Variants in EBF1 observed in about 807,000 individuals in gnomAD.
The protein encoded by EBF1 is transcription factor COE1.
In EBF1, 10 loss-of-function variants were observed where a neutral mutation model predicts 68.4. The ratio of observed to expected loss-of-function variants is 0.15; its 90% CI spans 0.09 to 0.25. EBF1 has a LOEUF of 0.25. Among genes scored for constraint, EBF1 ranks in the 10% least tolerant of loss-of-function variants. The pLI is 1.00. For missense variants in EBF1, 509 were observed against 794.4 expected (o/e 0.64, Z 4.32); for synonymous variants, 298 against 299.8 (o/e 0.99, Z 0.06).
At chr5:158,835,577 G>T (rs1788581033) in intron 7 of EBF1, among the ~76,000 whole-genome samples, 1 of 152,116 alleles carries the variant, frequency 6.6e-6, no homozygotes, top group African/African-American at 2.4e-5. Context: ...AGGCTTTCCT[G>T]GGATTCCAGC....
chr5:158,973,617 C>T (rs1016834554), intron 6 of EBF1, among the ~76,000 whole-genome samples: 11 of 152,238 alleles, frequency 7.2e-5, no homozygotes, highest in Middle Eastern at 3.4e-3. Flanking sequence ...GCTCCAGAAC[C>T]CCCAATCTCA....
chr5:158,999,629 G>A (rs1344177217), intron 6 of EBF1, among the ~76,000 whole-genome samples: 1 of 152,158 alleles, frequency 6.6e-6, no homozygotes, highest in Non-Finnish European at 1.5e-5. Context: ...TGTTGACATG[G>A]TAAAAATGAA....
intron 10 of EBF1, among the ~76,000 whole-genome samples, chr5:158,754,802 C>T (rs1470142341): frequency 6.6e-6 from 1 of 152,076 alleles, no homozygotes; most frequent in African/African-American, 2.4e-5. Flanking sequence ...TTATTTTGCT[C>T]TAAACAAAAG....
chr5:159,093,539 A>T (rs1353652986), intron 4 of EBF1, among the ~76,000 whole-genome samples: 1 of 151,854 alleles, frequency 6.6e-6, no homozygotes, highest in African/African-American at 2.4e-5. Flanking sequence ...CTCTTTCCTG[A>T]TAGAATTTAT....
intron 6 of EBF1, among the ~76,000 whole-genome samples, chr5:158,929,914 T>C (rs1810477324): frequency 6.6e-6 from 1 of 152,214 alleles, no homozygotes; most frequent in African/African-American, 2.4e-5. Context: ...ACACCTTTTT[T>C]GTTGTTTGTT....
At chr5:158,807,048 T>C (rs1051042114) in intron 8 of EBF1, among the ~76,000 whole-genome samples, 18 of 152,158 alleles carry the variant, frequency 1.2e-4, no homozygotes, top group African/African-American at 3.9e-4. Flanking sequence ...CTAGTAGCTA[T>C]CATATTGGAC....
intron 6 of EBF1, among the ~76,000 whole-genome samples, chr5:158,990,039 G>T (rs1288211532): frequency 1.3e-5 from 2 of 152,182 alleles, no homozygotes; most frequent in African/African-American, 4.8e-5. Context: ...CCATTGGAGG[G>T]GGTGATTAAG....
intron 6 of EBF1, among the ~76,000 whole-genome samples, chr5:158,856,093 C>A (rs1021501381): frequency 6.6e-6 from 1 of 152,204 alleles, no homozygotes; most frequent in African/African-American, 2.4e-5. Flanking sequence ...CAGGCTACAA[C>A]AGAGATCCTT....
intron 6 of EBF1, among the ~76,000 whole-genome samples, chr5:158,940,378 A>G (rs762099706): frequency 6.6e-6 from 1 of 152,186 alleles, no homozygotes; most frequent in Non-Finnish European, 1.5e-5. Flanking sequence ...AACCTCTACT[A>G]CTGTGTCCAG....
chr5:158,765,981 T>A (rs1772571481), intron 10 of EBF1, among the ~76,000 whole-genome samples: 1 of 152,314 alleles, frequency 6.6e-6, no homozygotes, highest in South Asian at 2.1e-4. Flanking sequence ...AAAAGTTATC[T>A]CATTAAATAT....
At chr5:158,711,602 C>A (rs1759323980) in intron 14 of EBF1, among the ~76,000 whole-genome samples, 1 of 152,028 alleles carries the variant, frequency 6.6e-6, no homozygotes, top group Non-Finnish European at 1.5e-5. Context: ...CAAGACGAAA[C>A]TAATAGATGT....
chr5:158,773,003 A>G (rs1279377977), intron 10 of EBF1, among the ~76,000 whole-genome samples: 2 of 152,148 alleles, frequency 1.3e-5, no homozygotes, highest in Admixed American at 6.6e-5. Flanking sequence ...TAAATGGTAG[A>G]TCTGAGAATT....
At chr5:158,937,143 G>C (rs1365004878) in intron 6 of EBF1, among the ~76,000 whole-genome samples, 2 of 151,888 alleles carry the variant, frequency 1.3e-5, no homozygotes, top group Non-Finnish European at 2.9e-5. Context: ...GACTGGGTGG[G>C]GGTACTTTTC....
intron 6 of EBF1, among the ~76,000 whole-genome samples, chr5:159,049,965 C>G (rs1185336591): frequency 1.3e-5 from 2 of 152,144 alleles, no homozygotes; most frequent in Non-Finnish European, 2.9e-5. Flanking sequence ...TTCTCTCCCT[C>G]TAGAGGCAGA....
intron 6 of EBF1, among the ~76,000 whole-genome samples, chr5:158,907,388 G>C (rs1804887771): frequency 6.6e-6 from 1 of 152,142 alleles, no homozygotes; most frequent in South Asian, 2.1e-4. Context: ...GTGGAAAAAA[G>C]ATAAGGCCAA....
In EBF1 at chr5:159,045,630, T is replaced by C. The variant is rs149060493; in HGVS notation, c.554+27766A>G. Among the ~76,000 whole-genome samples the C allele has an allele frequency of 3.9e-5, 6 of 152,318 alleles. No homozygotes were observed. In the East Asian group the frequency reaches 1.2e-3, roughly 29 times the overall value. On this transcript the variant is annotated intron_variant, in intron 6 of 15. Transcript: ENST00000313708. ...GCATAATTTTTAGGTACTTAATGAA[T>C]GATTCAAATAGAAACAGAATTAGAA...
chr5:158,709,208 A>G (rs185974659), intron 14 of EBF1, among the ~76,000 whole-genome samples: 3 of 152,254 alleles, frequency 2.0e-5, no homozygotes, highest in Non-Finnish European at 4.4e-5. Flanking sequence ...CTTCTATGTT[A>G]TTATTTTTTC....
chr5:158,979,115 A>G (rs1757410732), intron 6 of EBF1, among the ~76,000 whole-genome samples: 2 of 152,206 alleles, frequency 1.3e-5, no homozygotes, highest in African/African-American at 4.8e-5. Flanking sequence ...ACAAAGAGAA[A>G]AAAGAAGAAA....
At chr5:159,061,440 A>G (rs1394361224) in intron 6 of EBF1, among the ~76,000 whole-genome samples, 1 of 152,148 alleles carries the variant, frequency 6.6e-6, no homozygotes, top group African/African-American at 2.4e-5. Context: ...CAAGAAAAAA[A>G]AAAAGGTGGA....
Sources: gnomAD v4.1 joint callset for allele counts (sites outside exome capture counted in the v4.1 genomes callset) on GRCh38, gnomAD v4.1.1 for gene constraint, MANE v1.5 for transcripts, NCBI Gene and HGNC (gene_info 2026-07-23, HGNC 2026-07-21) for gene names.